Variants in TNIK observed in about 807,000 individuals in gnomAD.
TNIK encodes TRAF2 and NCK interacting kinase.
A neutral mutation model predicts 191.3 loss-of-function variants in TNIK; 49 were observed. That is an observed-to-expected ratio of 0.26 (90% CI 0.20 to 0.32). The LOEUF (loss-of-function observed/expected upper bound fraction) is 0.32, where lower values mean the gene tolerates loss of function less well. Among genes scored for constraint, TNIK ranks in the 10% least tolerant of loss-of-function variants. The pLI, the probability that TNIK is intolerant of heterozygous loss-of-function variation, is 1.00. For synonymous variants in TNIK, 594 were observed against 600.9 expected, an observed-to-expected ratio of 0.99 and a Z score of 0.17; for missense variants, 1,155 against 1,702.3, an observed-to-expected ratio of 0.68 and a Z score of 5.66.
chr3:171,459,906 G>T (rs1335545938), intron 1 of TNIK, 101 bp downstream of exon 1: 4 of 1,365,160 alleles, frequency 2.9e-6, no homozygotes, highest in Non-Finnish European at 4.0e-6. Context: ...GCATTCTCCC[G>T]CTGCTGTCCC....
intron 2 of TNIK, among the ~76,000 whole-genome samples, chr3:171,321,287 T>A (rs1755138617): frequency 6.6e-6 from 1 of 152,156 alleles, no homozygotes; most frequent in Non-Finnish European, 1.5e-5. Context: ...AAAGGCAGCA[T>A]CTGTTGTTTC....
intron 3 of TNIK, among the ~76,000 whole-genome samples, chr3:171,217,213 C>A (rs1452139069): frequency 1.3e-5 from 2 of 152,092 alleles, no homozygotes; most frequent in Non-Finnish European, 2.9e-5. Flanking sequence ...CAATACTATG[C>A]AGCCATAAAA....
chr3:171,355,724 T>C (rs990027534), intron 2 of TNIK, among the ~76,000 whole-genome samples: 1 of 152,232 alleles, frequency 6.6e-6, no homozygotes, highest in African/African-American at 2.4e-5. Flanking sequence ...AAGTGAATAA[T>C]GTGATCCTTA....
At chr3:171,235,333 C>T (rs112710645) in intron 2 of TNIK, among the ~76,000 whole-genome samples, 31 of 152,290 alleles carry the variant, frequency 2.0e-4, no homozygotes, top group Admixed American at 2.0e-4. Flanking sequence ...TGAGTCACCA[C>T]GCCCAATCTC....
chr3:171,339,004 C>A (rs78106103), intron 2 of TNIK, among the ~76,000 whole-genome samples: 4,557 of 152,292 alleles, frequency 0.03, 172 homozygotes, highest in African/African-American at 0.077. Context: ...CCCATGCCTT[C>A]CCCATGATGT....
At chr3:171,082,529 G>T (rs1168757039) in intron 26 of TNIK, 135 bp from the exon 27 acceptor site, 5 of 932,988 alleles carry the variant, frequency 5.4e-6, no homozygotes, top group African/African-American at 1.7e-5. Context: ...ATAAACTAAT[G>T]AATGTAGAAG....
At chr3:171,211,373 G>C (rs1740798223) in intron 3 of TNIK, 132 bp from the exon 4 acceptor site, 1 of 1,050,258 alleles carries the variant, frequency 9.5e-7, no homozygotes, top group Non-Finnish European at 1.4e-6. Context: ...TATTACATAT[G>C]AGGGCAAAGA....
chr3:171,345,578 A>G (rs1338938785), intron 2 of TNIK, among the ~76,000 whole-genome samples: 1 of 142,428 alleles, frequency 7.0e-6, no homozygotes, highest in Non-Finnish European at 1.5e-5. Flanking sequence ...GGAGCATACA[A>G]TCATAGGGTG....
intron 1 of TNIK, among the ~76,000 whole-genome samples, chr3:171,429,680 C>A (rs991266497): frequency 3.3e-5 from 5 of 152,130 alleles, no homozygotes; most frequent in Admixed American, 3.3e-4. Flanking sequence ...TCTTGCCATC[C>A]CTCAAACAAG....
At chr3:171,439,158 C>A (rs1323838590) in intron 1 of TNIK, among the ~76,000 whole-genome samples, 2 of 151,156 alleles carry the variant, frequency 1.3e-5, no homozygotes, top group African/African-American at 2.5e-5. Flanking sequence ...TCCTGGCTAA[C>A]ATGGTGAAAC....
chr3:171,070,068 G>A (rs1718988895), intron 29 of TNIK, among the ~76,000 whole-genome samples: 1 of 152,224 alleles, frequency 6.6e-6, no homozygotes, highest in South Asian at 2.1e-4. Context: ...GCAAGAATGG[G>A]AATGGGATGT....
intron 16 of TNIK, among the ~76,000 whole-genome samples, chr3:171,126,592 T>C (rs1728508058): frequency 6.6e-6 from 1 of 152,222 alleles, no homozygotes; most frequent in Admixed American, 6.5e-5. Flanking sequence ...GAGTCCATCC[T>C]GAGGTGGATA....
chr3:171,179,056 G>T (rs1363697810), intron 7 of TNIK, among the ~76,000 whole-genome samples: 1 of 152,174 alleles, frequency 6.6e-6, no homozygotes, highest in South Asian at 2.1e-4. Flanking sequence ...CCTGAGAGCA[G>T]GTGGCTGGGG....
At chr3:171,296,616 T>C (rs1243939380) in intron 2 of TNIK, among the ~76,000 whole-genome samples, 1 of 152,194 alleles carries the variant, frequency 6.6e-6, no homozygotes, top group Non-Finnish European at 1.5e-5. Flanking sequence ...TCACAGGATG[T>C]TTAGGACTTG....
At chr3:171,258,255 ACTC>A in intron 2 of TNIK, among the ~76,000 whole-genome samples, 1 of 152,238 alleles carries the variant, frequency 6.6e-6, no homozygotes, top group African/African-American at 2.4e-5. Context: ...TTTATCTAGA[ACTC>A]CTACCACTGT....
chr3:171,268,934 T>G (rs1748742891), intron 2 of TNIK, among the ~76,000 whole-genome samples: 1 of 152,188 alleles, frequency 6.6e-6, no homozygotes, highest in Admixed American at 6.5e-5. Context: ...TCACAAGAAT[T>G]TATACTTTCC....
At chr3:171,176,439 G>T (rs1735965959) in intron 8 of TNIK, among the ~76,000 whole-genome samples, 1 of 152,196 alleles carries the variant, frequency 6.6e-6, no homozygotes, top group Non-Finnish European at 1.5e-5. Flanking sequence ...GATATTACTG[G>T]GTAAATTACT....
At chr3:171,076,016 G>A (rs1007521453) in intron 28 of TNIK, among the ~76,000 whole-genome samples, 1 of 152,094 alleles carries the variant, frequency 6.6e-6, no homozygotes, top group Non-Finnish European at 1.5e-5. Context: ...GATTACAGGC[G>A]TGAGCCACTG....
At chr3:171,436,841 C>T (rs923819751) in intron 1 of TNIK, among the ~76,000 whole-genome samples, 31 of 152,166 alleles carry the variant, frequency 2.0e-4, no homozygotes, top group African/African-American at 7.2e-4. Context: ...AACATTGCAG[C>T]ACAAATCTGC....
Sources: gnomAD v4.1 joint callset for allele counts (sites outside exome capture counted in the v4.1 genomes callset) on GRCh38, gnomAD v4.1.1 for gene constraint, MANE v1.5 for transcripts, NCBI Gene and HGNC (gene_info 2026-07-23, HGNC 2026-07-21) for gene names.